Variants in C1QTNF3 observed in about 807,000 individuals in gnomAD.
C1QTNF3 encodes complement C1q tumor necrosis factor-related protein 3.
In C1QTNF3, 26 loss-of-function variants were observed where a neutral mutation model predicts 32.6. That is an observed-to-expected ratio of 0.80 (90% CI 0.58 to 1.11). C1QTNF3 has a LOEUF of 1.11. Among genes scored for constraint, C1QTNF3 ranks in the 50% least tolerant of loss-of-function variants. The probability of loss-of-function intolerance (pLI) is 0.00; values close to 1 mark genes in which losing one functional copy is unlikely to be tolerated. For missense variants in C1QTNF3, 362 were observed against 398.2 expected (o/e 0.91, Z 0.77); for synonymous variants, 155 against 146.0 (o/e 1.06, Z -0.44).
At chr5:34,068,526 T>C in the C1QTNF3 span, among the ~76,000 whole-genome samples, 1 of 151,782 alleles carries the variant, frequency 6.6e-6, no homozygotes, top group Non-Finnish European at 1.5e-5. Context: ...TATATACGTA[T>C]ATAGAGAGAG....
the C1QTNF3 span, among the ~76,000 whole-genome samples, chr5:34,204,109 TA>T: frequency 6.6e-6 from 1 of 152,084 alleles, no homozygotes; most frequent in African/African-American, 2.4e-5. Context: ...CATTAAATGT[TA>T]TCATCAAGAC....
At chr5:34,027,549 T>A (rs1754495011) in intron 4 of C1QTNF3, among the ~76,000 whole-genome samples, 1 of 151,892 alleles carries the variant, frequency 6.6e-6, no homozygotes, top group Non-Finnish European at 1.5e-5. Flanking sequence ...ACTACAAAAA[T>A]TAGCCAGGTG....
the C1QTNF3 span, chr5:34,169,266 A>G: frequency 6.6e-6 from 1 of 152,188 alleles, no homozygotes; most frequent in Non-Finnish European, 1.5e-5. Flanking sequence ...AACATTTTAC[A>G]TAACAAAATT....
the C1QTNF3 span, among the ~76,000 whole-genome samples, chr5:34,136,890 A>G: frequency 2.0e-5 from 3 of 152,290 alleles, no homozygotes; most frequent in Non-Finnish European, 1.5e-5. Flanking sequence ...TCAGCAAAGT[A>G]TCACAAGGAC....
chr5:34,023,960 T>C lies in C1QTNF3; in HGVS notation c.749A>G (p.Glu250Gly), dbSNP rs2112097814. 6.2e-7 allele frequency: 1 copy of C among 1,614,128 alleles called. No individual in the cohort carries two copies. The highest frequency in any genetic ancestry group is 2.2e-5 in the East Asian group (1 of 44,878). Residue 250 changes from glutamate (E) to glycine (G), a missense_variant, in exon 5 of 6, where the codon GAA becomes GGA. Glu to Gly is a moderately conservative substitution (Grantham distance 98, BLOSUM62 -2). Transcript: ENST00000382065. ...FSMMKHEDVE[E>G]VYVYLMHNGN... is the part of the protein sequence containing the mutation. ...ATTGTGCATAAGGTACACATACACT[T>C]CCTCAACATCCTCATGCTTCATCAT...
intron 3 of C1QTNF3, among the ~76,000 whole-genome samples, chr5:34,030,840 C>A (rs150349377): frequency 6.6e-6 from 1 of 152,078 alleles, no homozygotes; most frequent in African/African-American, 2.4e-5. Context: ...GAACAGAAAA[C>A]CAAACACTGC....
At chr5:34,137,358 T>TA in the C1QTNF3 span, among the ~76,000 whole-genome samples, 1 of 152,194 alleles carries the variant, frequency 6.6e-6, no homozygotes, top group Non-Finnish European at 1.5e-5. Context: ...AAAGCTTCAA[T>TA]AGTCATGAAA....
At position 34,035,626 on chromosome 5, in the gene C1QTNF3, GTA is replaced by G; in HGVS notation, c.415+19_415+20del. On this transcript the variant is annotated intron_variant, in intron 2 of 5. Coordinates refer to ENST00000382065, the MANE Select transcript of C1QTNF3 (RefSeq NM_181435.6). ...AGCTCAGGCTGCAATTAGATTGACA[GTA>G]TGTCTTGCTCATCCTTACCTGGAAT... 6.6e-7 allele frequency: 1 copy of G among 1,524,894 alleles called. No homozygotes were observed. Among genetic ancestry groups the G allele is most frequent in the Non-Finnish European group, 9.1e-7 (1 of 1,099,622 alleles). 94.5% of individuals were successfully genotyped at this position (1,524,894 alleles called of 1,614,324 possible). A position where few individuals can be genotyped will look rare whatever the true frequency, so the allele number is the denominator to read the frequency against.
the C1QTNF3 span, among the ~76,000 whole-genome samples, chr5:34,070,558 G>A: frequency 1.3e-5 from 2 of 152,024 alleles, no homozygotes; most frequent in Non-Finnish European, 2.9e-5. Flanking sequence ...TTTGCAAATA[G>A]CAGTATTGAA....
chr5:34,053,975 A>G, the C1QTNF3 span, among the ~76,000 whole-genome samples: 29 of 152,292 alleles, frequency 1.9e-4, no homozygotes, highest in East Asian at 5.2e-3. Flanking sequence ...CACTACTCCT[A>G]TTAAGACTTC....
At chr5:34,122,494 A>C in the C1QTNF3 span, among the ~76,000 whole-genome samples, 2 of 152,244 alleles carry the variant, frequency 1.3e-5, no homozygotes, top group African/African-American at 4.8e-5. Context: ...GTAAGCACTG[A>C]AATAGAATAT....
the C1QTNF3 span, among the ~76,000 whole-genome samples, chr5:34,146,338 A>G: frequency 6.6e-6 from 1 of 152,222 alleles, no homozygotes; most frequent in Non-Finnish European, 1.5e-5. Context: ...TATGGAACCT[A>G]AAAAGATCCT....
chr5:34,171,691 A>G, the C1QTNF3 span, among the ~76,000 whole-genome samples: 1 of 152,142 alleles, frequency 6.6e-6, no homozygotes, highest in Non-Finnish European at 1.5e-5. Context: ...CTTCTATTCA[A>G]ATGACATTGG....
At chr5:34,119,296 C>A in the C1QTNF3 span, among the ~76,000 whole-genome samples, 1 of 152,122 alleles carries the variant, frequency 6.6e-6, no homozygotes, top group Non-Finnish European at 1.5e-5. Flanking sequence ...TTAAAAGCTT[C>A]CCCAGTTTTC....
chr5:34,033,197 C>T lies in C1QTNF3; in HGVS notation c.570+107G>A, dbSNP rs1754657743. Reference sequence around the variant, plus strand: ...ATGAACAAACTGAGACTCAGATTTACTCAGGATTGGGGAAGACTTGAGGAA... The same window carrying T: ...ATGAACAAACTGAGACTCAGATTTATTCAGGATTGGGGAAGACTTGAGGAA... On this transcript the variant is annotated intron_variant, in intron 3 of 5. Coordinates refer to ENST00000382065, the MANE Select transcript of C1QTNF3 (RefSeq NM_181435.6). The T allele has an allele frequency of 1.1e-5, 14 of 1,231,648 alleles. No homozygotes were observed. The South Asian group carries it at 1.5e-4, about 13-fold the overall frequency. The allele number at this position is 1,231,648 out of a possible 1,614,324, so 76.3% of individuals were successfully genotyped here. A position where few individuals can be genotyped will look rare whatever the true frequency, so the allele number is the denominator to read the frequency against.
the C1QTNF3 span, among the ~76,000 whole-genome samples, chr5:34,057,328 G>A: frequency 6.6e-6 from 1 of 152,108 alleles, no homozygotes; most frequent in African/African-American, 2.4e-5. Flanking sequence ...GAAAATTGTG[G>A]GCTGTGTGAC....
chr5:34,137,049 T>C, the C1QTNF3 span, among the ~76,000 whole-genome samples: 4 of 151,232 alleles, frequency 2.6e-5, no homozygotes, highest in Admixed American at 6.6e-5. Context: ...CCAATGTAAA[T>C]GACGAGTTGA....
chr5:34,213,819 TTTTGTGTG>T, the C1QTNF3 span, among the ~76,000 whole-genome samples: 127 of 9,072 alleles, frequency 0.014, 12 homozygotes, highest in East Asian at 0.14. Context: ...ATTTTTTTTT[TTTTGTGTG>T]TGTGATGGAG....
chr5:34,175,095 G>C, the C1QTNF3 span, among the ~76,000 whole-genome samples: 1 of 145,506 alleles, frequency 6.9e-6, no homozygotes, highest in Non-Finnish European at 1.5e-5. Context: ...CCAGGCTCAA[G>C]TGCAGTGGTG....
Sources: allele counts gnomAD v4.1 joint callset (sites outside exome capture counted in the v4.1 genomes callset), GRCh38; gene constraint gnomAD v4.1.1; transcripts MANE v1.5; gene names NCBI Gene and HGNC (gene_info 2026-07-23, HGNC 2026-07-21).